NUP98: variants seen among roughly 807,000 people sequenced by gnomAD.
NUP98 encodes the protein nuclear pore complex protein Nup98-Nup96.
A neutral mutation model predicts 191.9 loss-of-function variants in NUP98; 26 were observed. That is an observed-to-expected ratio of 0.14 (90% confidence interval 0.10 to 0.19). NUP98 has a LOEUF of 0.19. NUP98 is among the 10% of genes least tolerant of loss of function. NUP98 has a pLI of 1.00. For missense variants in NUP98, 1,941 were observed against 2,178.8 expected, an observed-to-expected ratio of 0.89 and a Z score of 2.17; for synonymous variants, 808 against 778.4, an observed-to-expected ratio of 1.04 and a Z score of -0.63.
chr11:3,781,185 C>CAAA lies in NUP98; in HGVS notation c.76+854_76+856dup, dbSNP rs34704470. On this transcript the variant is annotated intron_variant, in intron 2 of 32. Transcript: ENST00000324932. ...TCGGTGACAGTGCAGGATCCTATCT[C>CAAA]AAAAAAAAAAAAAAAAAAAAAAAAT... Among the ~76,000 whole-genome samples, 556 of 68,876 alleles carry CAAA rather than the reference C, an allele frequency of 8.1e-3. 9 individuals carry two copies. Among genetic ancestry groups the CAAA allele is most frequent in the African/African-American group, 0.027 (477 of 17,754 alleles). 45.2% of individuals were successfully genotyped at this position (68,876 alleles called of 152,430 possible). A position where few individuals can be genotyped will look rare whatever the true frequency, so the allele number is the denominator to read the frequency against.
intron 1 of NUP98, among the ~76,000 whole-genome samples, chr11:3,787,377 T>C (rs1373433606): frequency 2.7e-5 from 4 of 149,936 alleles, no homozygotes; most frequent in African/African-American, 9.8e-5. Flanking sequence ...AGGTCAGGAG[T>C]TCGAGACCAG....
intron 4 of NUP98, among the ~76,000 whole-genome samples, chr11:3,777,841 A>G (rs181569793): frequency 1.3e-5 from 2 of 152,186 alleles, no homozygotes; most frequent in East Asian, 3.9e-4. Context: ...AGTACTTCAG[A>G]CTGCATTATA....
intron 25 of NUP98, among the ~76,000 whole-genome samples, chr11:3,696,048 G>A (rs536568404): frequency 1.3e-4 from 20 of 152,020 alleles, no homozygotes; most frequent in East Asian, 7.7e-4. Context: ...AAAAATCACC[G>A]GGCGTGCTGG....
At chr11:3,683,708 T>C (rs536273170) in intron 29 of NUP98, among the ~76,000 whole-genome samples, 1 of 64,684 alleles carries the variant, frequency 1.5e-5, no homozygotes, top group East Asian at 4.0e-4. Context: ...CCCGCTAATT[T>C]TGTAATTTTA....
chr11:3,689,928 T>A (rs1354198259), intron 28 of NUP98, among the ~76,000 whole-genome samples: 3 of 144,582 alleles, frequency 2.1e-5, no homozygotes, highest in Admixed American at 6.9e-5. Flanking sequence ...TGAGCCACCA[T>A]GGCTGGCCTG....
At chr11:3,744,419 G>A in intron 12 of NUP98, 90 bp downstream of exon 12, 1 of 1,304,734 alleles carries the variant, frequency 7.7e-7, no homozygotes, top group Admixed American at 2.4e-5. Context: ...CAATGCCTTG[G>A]TAGGAATGGG....
In NUP98 at chr11:3,679,643, G is replaced by A. The variant is rs201086399; in HGVS notation, c.4984C>T (p.Arg1662Cys). Residue 1662 changes from arginine to cysteine, a missense_variant, in exon 31 of 33, where the codon CGC becomes TGC. This residue lies in a region of NUP98 where 1,030 missense variants were observed against 1,115.8 expected (regional missense o/e 0.92). Coordinates refer to ENST00000324932, the MANE Select transcript of NUP98 (RefSeq NM_016320.5). ...TCCCAATCCTGAATTAGGCTGCTGCGCTCTGGAGGTGCCAGGTCTTCCAAG... is the reference window on the plus strand; with the variant it reads ...TCCCAATCCTGAATTAGGCTGCTGCACTCTGGAGGTGCCAGGTCTTCCAAG... Reference protein sequence around the residue: ...GFLEDLAPPERSSLIQDWETS... With the variant: ...GFLEDLAPPECSSLIQDWETS... 56 of 1,614,004 alleles carry A rather than the reference G, an allele frequency of 3.5e-5. No individual in the cohort carries two copies. In the Middle Eastern group the frequency reaches 6.6e-4, roughly 19 times the overall value.
At chr11:3,677,575 T>C (rs1443960040) in intron 31 of NUP98, among the ~76,000 whole-genome samples, 3 of 152,102 alleles carry the variant, frequency 2.0e-5, no homozygotes, top group South Asian at 2.1e-4. Flanking sequence ...TTAATCCCTA[T>C]ACTTATCAAG....
chr11:3,770,835 A>G (rs886390677), intron 7 of NUP98, among the ~76,000 whole-genome samples: 1 of 152,092 alleles, frequency 6.6e-6, no homozygotes. Context: ...TCTATAATCA[A>G]ACTGGGTCCA....
intron 5 of NUP98, among the ~76,000 whole-genome samples, chr11:3,774,771 AT>A (rs1323394409): frequency 2.0e-5 from 3 of 152,192 alleles, no homozygotes; most frequent in Admixed American, 6.5e-5. Flanking sequence ...AAAAGGCACA[AT>A]AAGTAAAACT....
rs189783537 is a variant in NUP98, at chr11:3,796,064, C to T, written c.-29+1336G>A. On this transcript the variant is annotated intron_variant, in intron 1 of 32. Coordinates refer to ENST00000324932, the MANE Select transcript of NUP98 (RefSeq NM_016320.5). Reference sequence around the variant, plus strand: ...TTTTTAAATACCCTAACTTCCTCCACCAGGTAAACATACTGTAACCCAGTT... The same window carrying T: ...TTTTTAAATACCCTAACTTCCTCCATCAGGTAAACATACTGTAACCCAGTT... Among the ~76,000 whole-genome samples the T allele has an allele frequency of 3.0e-3, 453 of 152,336 alleles. 1 individual carries two copies. Among genetic ancestry groups the T allele is most frequent in the African/African-American group, 0.01 (418 of 41,572 alleles).
At chr11:3,698,783 G>A (rs1397425391) in intron 25 of NUP98, among the ~76,000 whole-genome samples, 1 of 150,648 alleles carries the variant, frequency 6.6e-6, no homozygotes, top group Non-Finnish European at 1.5e-5. Flanking sequence ...GAATAGGTGG[G>A]TGTGATCTAC....
rs35147370 is a variant in NUP98 at position 3,719,478 on chromosome 11, C to T, written c.2333G>A (p.Arg778Gln). 7.5e-6 allele frequency: 12 copies of T among 1,597,750 alleles called. No homozygotes were observed. The highest frequency in any genetic ancestry group is 4.1e-5 in the African/African-American group (3 of 73,938). Residue 778 changes from arginine to glutamine, a missense_variant, in exon 18 of 33, where the codon CGG (arginine) becomes CAG (glutamine). Coordinates refer to ENST00000324932, the MANE Select transcript of NUP98 (RefSeq NM_016320.5). ...TAAGTAGACAACTACTTCTTTCCTC[C>T]GGATATGCACAATATCATCCAAATT... ...NLNLDDIVHIRRKEVVVYLDD... is the reference protein window; with the variant it reads ...NLNLDDIVHIQRKEVVVYLDD...
intron 1 of NUP98, among the ~76,000 whole-genome samples, chr11:3,789,346 A>G (rs1488606073): frequency 2.0e-5 from 3 of 152,194 alleles, no homozygotes; most frequent in Non-Finnish European, 4.4e-5. Context: ...CAGCACAAGC[A>G]TAAAGCACCA....
At chr11:3,777,893 T>C (rs1199744244) in intron 4 of NUP98, among the ~76,000 whole-genome samples, 1 of 151,702 alleles carries the variant, frequency 6.6e-6, no homozygotes, top group African/African-American at 2.4e-5. Context: ...CAAACAACTT[T>C]CCCTCTGGAA....
rs1390883193 is a variant in NUP98, at chr11:3,768,674, G to A, written c.855C>T (p.Phe285=). ...TTGTAGCCTGGCCAAATGGTTTGCT[G>A]AAGAGGCTGGTAGTCTGCTGATTCT... ...GQQNQQTTSL[F]SKPFGQATTT... is the part of the protein sequence containing the mutation. Residue 285 remains phenylalanine (F), a synonymous_variant, in exon 8 of 33, where the codon TTC becomes TTT. Transcript: ENST00000324932. 1 of 1,611,136 alleles carries A rather than the reference G, an allele frequency of 6.2e-7. No homozygotes were observed. The highest frequency in any genetic ancestry group is 1.3e-5 in the African/African-American group (1 of 74,868).
In NUP98 at chr11:3,683,386, T is replaced by A. The variant is rs1314065393; in HGVS notation, c.4732A>T (p.Thr1578Ser). The change falls in exon 30 of 33, where the codon ACC becomes TCC. Residue 1578 changes from threonine to serine, a missense_variant. By Grantham distance (58) the Thr-to-Ser change is moderately conservative. Around this residue, in one of 6 missense-constraint regions of NUP98, gnomAD observed 1,030 missense variants for 1,115.8 expected, o/e 0.92. Transcript: ENST00000324932. ...GTCTCTTTAGCCCAAGATTCAGGGG[T>A]CTCCAACAGCTGGCAGTGCCGGGTA... ...LLTRHCQLLE[T>S]PESWAKETFL... The A allele has an allele frequency of 6.2e-7, 1 of 1,613,834 alleles. No individual in the cohort carries two copies. Among genetic ancestry groups the A allele is most frequent in the Non-Finnish European group, 8.5e-7 (1 of 1,180,008 alleles).
rs537147629 is a variant in NUP98 at position 3,702,280 on chromosome 11, G to GAC, written c.3512+181_3512+182dup. On this transcript the variant is annotated intron_variant, in intron 23 of 32. Transcript: ENST00000324932. Reference sequence around the variant, plus strand: ...CACCGGGGAAACAGAGCAAAACTGAGACACACACACACACACACACACACA... The same window carrying GAC: ...CACCGGGGAAACAGAGCAAAACTGAGACACACACACACACACACACACACACA... Among the ~76,000 whole-genome samples the GAC allele has an allele frequency of 2.6e-3, 285 of 108,492 alleles. 9 individuals carry two copies. Among genetic ancestry groups the GAC allele is most frequent in the South Asian group, 4.1e-3 (12 of 2,948 alleles). The allele number at this position is 108,492 out of a possible 152,430, so 71.2% of individuals were successfully genotyped here.
chr11:3,680,483 G>A (rs1303028509), intron 30 of NUP98, among the ~76,000 whole-genome samples: 1 of 152,120 alleles, frequency 6.6e-6, no homozygotes, highest in Non-Finnish European at 1.5e-5. Flanking sequence ...TGGATTCAAT[G>A]CCTTCCATAC....
Sources: gnomAD v4.1 joint callset for allele counts (sites outside exome capture counted in the v4.1 genomes callset) on GRCh38, gnomAD v4.1.1 for gene constraint, gnomAD v4.1.1 regional missense constraint, MANE v1.5 for transcripts, NCBI Gene and HGNC (gene_info 2026-07-23, HGNC 2026-07-21) for gene names.